The following CRISP2 variants were observed in gnomAD, a reference collection of about 807,000 sequenced individuals.
CRISP2 encodes the protein cysteine rich secretory protein 2.
Under a neutral mutation model 31.7 loss-of-function variants are expected in CRISP2, and 29 were observed. The observed-to-expected ratio is 0.92, with a 90% CI of 0.68 to 1.25. The LOEUF (loss-of-function observed/expected upper bound fraction) is 1.25, where lower values mean the gene tolerates loss of function less well. CRISP2 is among the 50% of genes most tolerant of loss of function. The pLI, the probability that CRISP2 is intolerant of heterozygous loss-of-function variation, is 0.00. For synonymous variants in CRISP2, 111 were observed against 101.4 expected (o/e 1.09, Z -0.57); for missense variants, 318 against 286.5 (o/e 1.11, Z -0.79).
chr6:49,698,824 C>G (rs1217430814), intron 6 of CRISP2, among the ~76,000 whole-genome samples: 1 of 152,098 alleles, frequency 6.6e-6, no homozygotes, highest in African/African-American at 2.4e-5. Context: ...GGTAAGCTTG[C>G]TAAAGGCAGT....
Position 49,701,521 on chromosome 6 carries a change from TATATACAC to T in CRISP2, c.67-745_67-738del, listed in dbSNP as rs1175407031. Among the ~76,000 whole-genome samples, 36 of 124,004 alleles carry T rather than the reference TATATACAC, an allele frequency of 2.9e-4. 1 individual carries two copies. The highest frequency in any genetic ancestry group is 8.5e-4 in the African/African-American group (25 of 29,292). The allele number at this position is 124,004 out of a possible 152,430, so 81.4% of individuals were successfully genotyped here. A position where few individuals can be genotyped will look rare whatever the true frequency, so the allele number is the denominator to read the frequency against. ...GTGTGTATATATATATATATATATA[TATATACAC>T]ACACACACACACACAGTATATATAT... On this transcript the variant is annotated intron_variant, in intron 4 of 9. Coordinates refer to ENST00000339139, the MANE Select transcript of CRISP2 (RefSeq NM_003296.4).
At chr6:49,709,655 T>C (rs2127435786) in intron 3 of CRISP2, among the ~76,000 whole-genome samples, 1 of 152,358 alleles carries the variant, frequency 6.6e-6, no homozygotes, top group East Asian at 1.9e-4. Context: ...CTTTTATTTA[T>C]ACCAGACTCT....
In CRISP2 at chr6:49,697,849, A is replaced by T; in HGVS notation, c.515+11T>A. On this transcript the variant is annotated intron_variant, in intron 8 of 9. Coordinates refer to ENST00000339139, the MANE Select transcript of CRISP2 (RefSeq NM_003296.4). ...GAATTATTGCCATTAAACTCTAAAC[A>T]GTCTACTTACGCAGGACAATATTGG... The T allele has an allele frequency of 6.2e-7, 1 of 1,609,768 alleles. No homozygotes were observed. The highest frequency in any genetic ancestry group is 8.5e-7 in the Non-Finnish European group (1 of 1,176,552).
chr6:49,697,821 A>G (rs1765029770), intron 8 of CRISP2, 39 bp downstream of exon 8: 1 of 1,603,606 alleles, frequency 6.2e-7, no homozygotes, highest in Non-Finnish European at 8.5e-7. Context: ...TAAATTGCAG[A>G]TAGAATTATT....
chr6:49,701,799 CATT>C (rs1382350381), intron 4 of CRISP2, among the ~76,000 whole-genome samples: 1 of 98,950 alleles, frequency 1.0e-5, no homozygotes, highest in Non-Finnish European at 1.9e-5. Context: ...TGTATGTACA[CATT>C]ATATATGTAT....
At chr6:49,683,589 G>A in the CRISP2 span, among the ~76,000 whole-genome samples, 71 of 144,018 alleles carry the variant, frequency 4.9e-4, 2 homozygotes, top group Admixed American at 4.9e-3. Flanking sequence ...ACTTGAACTG[G>A]CGGGATGGAG....
At chr6:49,687,425 G>A (rs1162057664), downstream of CRISP2, among the ~76,000 whole-genome samples, 1 of 152,156 alleles carries the variant, frequency 6.6e-6, no homozygotes, top group Non-Finnish European at 1.5e-5. Context: ...TCTGCCAGGA[G>A]TAATATTATC....
At chr6:49,707,597 T>C (rs1767295748) in intron 4 of CRISP2, among the ~76,000 whole-genome samples, 1 of 152,160 alleles carries the variant, frequency 6.6e-6, no homozygotes, top group Admixed American at 6.5e-5. Flanking sequence ...AACAGCAAAT[T>C]ATTTGAATGA....
intron 8 of CRISP2, 120 bp from the exon 9 acceptor site, chr6:49,696,044 A>G: frequency 1.8e-6 from 1 of 562,046 alleles, no homozygotes; most frequent in Non-Finnish European, 3.1e-6. Context: ...AACAAAACTG[A>G]AAAATTACAA....
At chr6:49,708,900 A>T (rs1409379844) in intron 4 of CRISP2, among the ~76,000 whole-genome samples, 2 of 151,832 alleles carry the variant, frequency 1.3e-5, no homozygotes, top group Non-Finnish European at 3.0e-5. Flanking sequence ...TTCAAACCTC[A>T]TTTCAAGTGT....
In CRISP2 at chr6:49,700,634, T is replaced by G. The variant is rs995039677; in HGVS notation, c.183+34A>C. The G allele has an allele frequency of 2.2e-6, 3 of 1,353,714 alleles. No individual in the cohort carries two copies. In the African/African-American group the frequency reaches 4.3e-5, roughly 20 times the overall value. The allele number at this position is 1,353,714 out of a possible 1,614,324, so 83.9% of individuals were successfully genotyped here. On this transcript the variant is annotated intron_variant, in intron 5 of 9. Transcript: ENST00000339139. The stretch of plus-strand genomic sequence containing the variant: ...AGCCGTCGGCTCCTTCCACAGCTGA[T>G]TCACACCCATCTCCTTACAGCACTG...
intron 6 of CRISP2, among the ~76,000 whole-genome samples, chr6:49,699,464 T>C (rs774468050): frequency 6.6e-6 from 1 of 152,062 alleles, no homozygotes; most frequent in Non-Finnish European, 1.5e-5. Context: ...TAAAAATTTC[T>C]AGTATGACAC....
chr6:49,708,842 A>G (rs1767508755), intron 4 of CRISP2, among the ~76,000 whole-genome samples: 1 of 152,200 alleles, frequency 6.6e-6, no homozygotes, highest in African/African-American at 2.4e-5. Flanking sequence ...TTTGTTCTAA[A>G]TGTTTGAAAT....
chr6:49,707,417 G>T (rs918080627), intron 4 of CRISP2, among the ~76,000 whole-genome samples: 3 of 152,050 alleles, frequency 2.0e-5, no homozygotes, highest in African/African-American at 7.2e-5. Flanking sequence ...AAATCATACT[G>T]GGCAGAGTGT....
chr6:49,709,054 C>A lies in CRISP2; in HGVS notation c.66+77G>T, dbSNP rs187722545. 1,000 of 1,230,062 alleles carry A rather than the reference C, an allele frequency of 8.1e-4. 10 individuals are homozygous for A. In the African/African-American group the frequency reaches 0.013, roughly 16 times the overall value. The allele number at this position is 1,230,062 out of a possible 1,614,324, so 76.2% of individuals were successfully genotyped here. On this transcript the variant is annotated intron_variant, in intron 4 of 9. Coordinates refer to ENST00000339139, the MANE Select transcript of CRISP2 (RefSeq NM_003296.4). ...TCTGACATACCAAACTCTCTTACCCCCCTTTACTTTCAGAATAGCCTGCCA... is the reference window on the plus strand; with the variant it reads ...TCTGACATACCAAACTCTCTTACCCACCTTTACTTTCAGAATAGCCTGCCA...
intron 1 of CRISP2, among the ~76,000 whole-genome samples, chr6:49,713,199 A>G (rs1047663778): frequency 6.6e-6 from 1 of 152,186 alleles, no homozygotes; most frequent in Non-Finnish European, 1.5e-5. Context: ...CTATGATTCA[A>G]TGGGTCTTAT....
intron 9 of CRISP2, among the ~76,000 whole-genome samples, chr6:49,694,823 T>C (rs1306857121): frequency 6.7e-6 from 1 of 150,348 alleles, no homozygotes; most frequent in Non-Finnish European, 1.5e-5. Context: ...AATCTCCGCC[T>C]CCTGGGTTCA....
chr6:49,696,196 C>T (rs1358364584), intron 8 of CRISP2, among the ~76,000 whole-genome samples: 1 of 151,912 alleles, frequency 6.6e-6, no homozygotes, highest in Non-Finnish European at 1.5e-5. Flanking sequence ...TTCAGTGTGG[C>T]AACACTATCT....
At chr6:49,685,750 G>GT in the CRISP2 span, among the ~76,000 whole-genome samples, 51 of 152,114 alleles carry the variant, frequency 3.4e-4, 1 homozygote, top group African/African-American at 1.2e-3. Context: ...TAGGTCGGCT[G>GT]TTTTTTCCCC....
Sources: gnomAD v4.1 joint callset for allele counts (sites outside exome capture counted in the v4.1 genomes callset) on GRCh38, gnomAD v4.1.1 for gene constraint, MANE v1.5 for transcripts, NCBI Gene and HGNC (gene_info 2026-07-23, HGNC 2026-07-21) for gene names.